RIMS3: variants seen among roughly 807,000 people sequenced by gnomAD.
The protein encoded by RIMS3 is regulating synaptic membrane exocytosis protein 3.
RIMS3 carries 15 observed loss-of-function variants against 29.2 expected under a neutral mutation model. The observed-to-expected ratio is 0.51, with a 90% CI of 0.34 to 0.79. The LOEUF (loss-of-function observed/expected upper bound fraction) is 0.79. Ranked by LOEUF, RIMS3 falls within the 30% of genes least tolerant of loss-of-function variation. The probability of loss-of-function intolerance (pLI) is 0.01; values close to 1 mark genes in which losing one functional copy is unlikely to be tolerated. For missense variants in RIMS3, 342 were observed against 421.4 expected (o/e 0.81, Z 1.65); for synonymous variants, 161 against 170.1 (o/e 0.95, Z 0.41).
At chr1:40,637,689 T>C (rs760369630) in intron 3 of RIMS3, among the ~76,000 whole-genome samples, 2 of 152,334 alleles carry the variant, frequency 1.3e-5, no homozygotes, top group South Asian at 4.1e-4. Flanking sequence ...GTACACATGA[T>C]GGACTCTGCC....
chr1:40,661,728 T>C (rs544652908), intron 1 of RIMS3, among the ~76,000 whole-genome samples: 1 of 152,354 alleles, frequency 6.6e-6, no homozygotes, highest in Admixed American at 6.5e-5. Flanking sequence ...ATTTTATAGT[T>C]GAGGACACAG....
At chr1:40,676,643 A>C in the RIMS3 span, among the ~76,000 whole-genome samples, 1 of 152,204 alleles carries the variant, frequency 6.6e-6, no homozygotes, top group Admixed American at 6.5e-5. Context: ...TCTAAAAAAA[A>C]GTGCCACTCC....
chr1:40,672,862 T>A, the RIMS3 span, among the ~76,000 whole-genome samples: 2 of 89,628 alleles, frequency 2.2e-5, no homozygotes, highest in African/African-American at 1.1e-4. Flanking sequence ...AGACCCCATC[T>A]CTGGAGAAAA....
chr1:40,684,797 C>G, the RIMS3 span, among the ~76,000 whole-genome samples: 2 of 152,208 alleles, frequency 1.3e-5, no homozygotes, highest in African/African-American at 4.8e-5. Flanking sequence ...TCCTTCCTGT[C>G]TCCCATTGAT....
Position 40,633,190 on chromosome 1 carries a change from G to T in RIMS3, c.360-9C>A, listed in dbSNP as rs1646500404. ...TAGTGGGGAAGATGAACCTGCAGGA[G>T]GAGGCAGAGGGACGCGTGAGGGGGT... On this transcript the variant is annotated splice_polypyrimidine_tract_variant and intron_variant, in intron 4 of 7. Transcript: ENST00000372684. 3 of 1,609,928 alleles carry T rather than the reference G, an allele frequency of 1.9e-6. No individual in the cohort carries two copies. The Admixed American group carries it at 5.0e-5, about 27-fold the overall frequency.
In RIMS3 at chr1:40,665,602, CA is replaced by C. The variant is rs1642413643; in HGVS notation, c.-416del. On this transcript the variant is annotated 5_prime_UTR_variant, in exon 1 of 8. Coordinates refer to ENST00000372684, the MANE Select transcript of RIMS3 (RefSeq NM_014747.3). ...GGCTCACGGGGGCATCGCCCGCCAC[CA>C]CGGGGGCAGCTCCGCTCCGCCCGCC... The C allele has an allele frequency of 1.3e-5, 2 of 152,256 alleles. No homozygotes were observed. Among genetic ancestry groups the C allele is most frequent in the African/African-American group, 4.8e-5 (2 of 41,566 alleles). 9.4% of individuals were successfully genotyped at this position (152,256 alleles called of 1,614,324 possible). A position where few individuals can be genotyped will look rare whatever the true frequency, so the allele number is the denominator to read the frequency against.
At chr1:40,688,123 C>T in the RIMS3 span, among the ~76,000 whole-genome samples, 2 of 152,246 alleles carry the variant, frequency 1.3e-5, no homozygotes, top group African/African-American at 4.8e-5. Flanking sequence ...TGCCACCATG[C>T]CCGGCTAATT....
the RIMS3 span, among the ~76,000 whole-genome samples, chr1:40,670,769 T>G: frequency 6.6e-6 from 1 of 150,898 alleles, no homozygotes; most frequent in Non-Finnish European, 1.5e-5. Context: ...TTGTGTTTTT[T>G]GTAGAGATGG....
Position 40,635,923 on chromosome 1 carries a change from CGGAGCTGTTGCTGTTG to C in RIMS3, c.336_351del (p.Asn113ThrfsTer11). ...GCACGGGGCTGCACGCACGTGCCGTCGGAGCTGTTGCTGTTGGTGCTCCCATCGGTGGACTCCCGGC... is the reference window on the plus strand; with the variant it reads ...GCACGGGGCTGCACGCACGTGCCGTCGTGCTCCCATCGGTGGACTCCCGGC... On this transcript the variant is annotated frameshift_variant, in exon 4 of 8. Coordinates refer to ENST00000372684, the MANE Select transcript of RIMS3 (RefSeq NM_014747.3). LOFTEE classifies it high-confidence loss of function. The surrounding 1 kb of genome is among the most constrained non-coding windows in gnomAD (Gnocchi z 4.1). 1 of 1,612,906 alleles carries C rather than the reference CGGAGCTGTTGCTGTTG, an allele frequency of 6.2e-7. No homozygotes were observed. Among genetic ancestry groups the C allele is most frequent in the East Asian group, 2.2e-5 (1 of 44,876 alleles).
chr1:40,651,694 A>G, intron 1 of RIMS3, among the ~76,000 whole-genome samples: 1 of 152,354 alleles, frequency 6.6e-6, no homozygotes, highest in Non-Finnish European at 1.5e-5. Flanking sequence ...AGCAGGACTC[A>G]GTAAATATTT....
the RIMS3 span, chr1:40,691,693 G>A: frequency 7.3e-5 from 33 of 452,196 alleles, no homozygotes; most frequent in South Asian, 3.7e-4. Flanking sequence ...GAAGGGAAAA[G>A]GGGAAACGGT....
In RIMS3 at chr1:40,636,155, G is replaced by C; in HGVS notation, c.218-98C>G. 1 of 1,443,466 alleles carries C rather than the reference G, an allele frequency of 6.9e-7. No individual in the cohort carries two copies. Among genetic ancestry groups the C allele is most frequent in the Non-Finnish European group, 9.5e-7 (1 of 1,050,530 alleles). The allele number at this position is 1,443,466 out of a possible 1,614,324, so 89.4% of individuals were successfully genotyped here. ...TGCCAAAGTCACTCTCTTGGCATGG[G>C]GGGTTGATGGGGAGGATGAGCAGGG... On this transcript the variant is annotated intron_variant, in intron 3 of 7. Transcript: ENST00000372684. This position sits in a 1 kb window ranked among gnomAD's most constrained non-coding sequence, Gnocchi z 4.2.
At chr1:40,687,757 C>T in the RIMS3 span, among the ~76,000 whole-genome samples, 2 of 152,196 alleles carry the variant, frequency 1.3e-5, no homozygotes, top group Non-Finnish European at 2.9e-5. Context: ...TTCCCTCTTA[C>T]TCTGTGTTTC....
chr1:40,682,741 C>CATTTTTTTTTTTTTTT, the RIMS3 span, among the ~76,000 whole-genome samples: 1 of 77,514 alleles, frequency 1.3e-5, no homozygotes, highest in Non-Finnish European at 2.5e-5. Context: ...CTTTGCAGAT[C>CATTTTTTTTTTTTTTT]TTTTTTTTTT....
At chr1:40,681,823 T>C in the RIMS3 span, among the ~76,000 whole-genome samples, 1 of 152,204 alleles carries the variant, frequency 6.6e-6, no homozygotes, top group Non-Finnish European at 1.5e-5. Context: ...TTTCTCCCTC[T>C]AATAACTTTT....
intron 4 of RIMS3, among the ~76,000 whole-genome samples, chr1:40,633,992 C>T (rs192925150): frequency 3.3e-5 from 5 of 152,206 alleles, no homozygotes; most frequent in East Asian, 1.9e-4. Context: ...ATGATAGTTC[C>T]GGTTGCTGCT....
At chr1:40,674,584 G>C in the RIMS3 span, among the ~76,000 whole-genome samples, 1 of 152,210 alleles carries the variant, frequency 6.6e-6, no homozygotes, top group Non-Finnish European at 1.5e-5. Flanking sequence ...CCTTCAGGAG[G>C]TGATTAGGTC....
At chr1:40,691,664 C>A in the RIMS3 span, 1 of 446,198 alleles carries the variant, frequency 2.2e-6, no homozygotes, top group Non-Finnish European at 4.5e-6. Context: ...TACTGGGAGT[C>A]CAGGCGCCAA....
intron 1 of RIMS3, among the ~76,000 whole-genome samples, chr1:40,651,497 T>C (rs1646631845): frequency 6.6e-6 from 1 of 152,216 alleles, no homozygotes; most frequent in Admixed American, 6.5e-5. Flanking sequence ...TACATTTCTG[T>C]TGTTTTAAGC....
Sources: allele counts gnomAD v4.1 joint callset (sites outside exome capture counted in the v4.1 genomes callset), GRCh38; gene constraint gnomAD v4.1.1; non-coding constraint Gnocchi (gnomAD v3.1); transcripts MANE v1.5; gene names NCBI Gene and HGNC (gene_info 2026-07-23, HGNC 2026-07-21).